DYSF: variants seen among roughly 807,000 people sequenced by gnomAD.
DYSF encodes the protein dystrophy-associated fer-1-like 1.
In DYSF, 212 loss-of-function variants were observed where a neutral mutation model predicts 274.9. The ratio of observed to expected loss-of-function variants is 0.77; its 90% confidence interval spans 0.69 to 0.86. The LOEUF is 0.86. Ranked by LOEUF, DYSF falls within the 40% of genes least tolerant of loss-of-function variation. The probability of loss-of-function intolerance (pLI) is 0.00; values close to 1 mark genes in which losing one functional copy is unlikely to be tolerated. For missense variants in DYSF, 2,666 were observed against 2,783.2 expected (o/e 0.96, Z 0.95); for synonymous variants, 1,091 against 1,078.7 (o/e 1.01, Z -0.22).
Position 71,664,455 on chromosome 2 carries a change from T to C in DYSF, c.5174+17T>C. 1 of 1,613,698 alleles carries C rather than the reference T, an allele frequency of 6.2e-7. No individual in the cohort carries two copies. Among genetic ancestry groups the C allele is most frequent in the East Asian group, 2.2e-5 (1 of 44,868 alleles). On this transcript the variant is annotated intron_variant, in intron 46 of 55. Transcript: ENST00000410020. ...CTACTGTGTGTACGTGGATGGGGGCTGGCTGCCTGCTTCTCTGACAACACA... is the reference window on the plus strand; with the variant it reads ...CTACTGTGTGTACGTGGATGGGGGCCGGCTGCCTGCTTCTCTGACAACACA...
chr2:71,528,149 T>TG, intron 13 of DYSF, 149 bp from the exon 14 acceptor site: 1 of 718,858 alleles, frequency 1.4e-6, no homozygotes, highest in Non-Finnish European at 2.5e-6. Context: ...GTCCTCCTTC[T>TG]GGGGAGCCCC....
chr2:71,651,307 TAGAG>T (rs1468271884), intron 42 of DYSF, among the ~76,000 whole-genome samples: 1 of 152,098 alleles, frequency 6.6e-6, no homozygotes, highest in African/African-American at 2.4e-5. Flanking sequence ...TAGTCTACTT[TAGAG>T]AAGTAGAGAA....
rs560483736 is a variant in DYSF, at chr2:71,470,474, A to C, written c.91+3541A>C. The stretch of plus-strand genomic sequence containing the variant: ...GATCATGAGGTCAGGAGATCGAGAC[A>C]ATCCTGGCTAACATGGTGAAACCCT... On this transcript the variant is annotated intron_variant, in intron 1 of 55. Transcript: ENST00000410020. Among the ~76,000 whole-genome samples, 45 of 152,006 alleles carry C rather than the reference A, an allele frequency of 3.0e-4. No homozygotes were observed. In the East Asian group the frequency reaches 5.7e-3, roughly 19 times the overall value.
intron 52 of DYSF, among the ~76,000 whole-genome samples, chr2:71,675,068 T>C (rs1016541866): frequency 1.3e-5 from 2 of 152,084 alleles, no homozygotes; most frequent in Non-Finnish European, 2.9e-5. Context: ...TCAAATATTA[T>C]ATGGCTTCAT....
chr2:71,592,788 G>A (rs1308495308), intron 32 of DYSF, among the ~76,000 whole-genome samples: 1 of 152,190 alleles, frequency 6.6e-6, no homozygotes, highest in African/African-American at 2.4e-5. Context: ...TGTGCTCTTT[G>A]CTTCTCTCTA....
At chr2:71,568,487 C>A in intron 26 of DYSF, 149 bp downstream of exon 26, 1 of 1,075,934 alleles carries the variant, frequency 9.3e-7, no homozygotes, top group South Asian at 1.5e-5. Context: ...TCTCCCAGGA[C>A]TGAGGCTTGC....
rs2092226553 is a variant in DYSF at position 71,568,247 on chromosome 2, G to A, written c.2773G>A (p.Val925Ile). The change falls in exon 26 of 56, where the codon GTC becomes ATC. Residue 925 changes from valine (V) to isoleucine (I), a missense_variant. By Grantham distance (29) the Val-to-Ile change is conservative (BLOSUM62 3). This residue lies in a region of DYSF where 412 missense variants were observed against 504.0 expected (regional missense o/e 0.82). Coordinates refer to ENST00000410020, the MANE Select transcript of DYSF (RefSeq NM_001130987.2). ...CCTCACCTACCCCAAGTTTTCTGAC[G>A]TCACGGGCAAGATCAAGCTACCCAA... The part of the protein sequence containing the change: ...TGLTYPKFSD[V>I]TGKIKLPKDS... 5.0e-6 allele frequency: 8 copies of A among 1,614,210 alleles called. No homozygotes were observed. The highest frequency in any genetic ancestry group is 4.4e-5 in the South Asian group (4 of 91,082).
At chr2:71,663,085 C>G (rs946009298) in intron 45 of DYSF, among the ~76,000 whole-genome samples, 1 of 44,086 alleles carries the variant, frequency 2.3e-5, no homozygotes, top group African/African-American at 5.5e-5. Context: ...CTGCCTTCCT[C>G]CCTTCCTGGT....
intron 1 of DYSF, among the ~76,000 whole-genome samples, chr2:71,470,949 G>A (rs2081993593): frequency 6.6e-6 from 1 of 151,594 alleles, no homozygotes; most frequent in Non-Finnish European, 1.5e-5. Flanking sequence ...CTGCAACCAT[G>A]CCTGGCTAAT....
intron 16 of DYSF, among the ~76,000 whole-genome samples, chr2:71,536,569 G>A (rs1411877772): frequency 6.6e-6 from 1 of 152,246 alleles, no homozygotes; most frequent in Non-Finnish European, 1.5e-5. Flanking sequence ...TGCGCATGTG[G>A]ATGTGAGTGG....
chr2:71,668,895 A>G lies in DYSF; in HGVS notation c.5546+53A>G. On this transcript the variant is annotated intron_variant, in intron 49 of 55. Coordinates refer to ENST00000410020, the MANE Select transcript of DYSF (RefSeq NM_001130987.2). The stretch of plus-strand genomic sequence containing the variant: ...CTGGGCTGAGGGGTGGGGGCGTTGC[A>G]GCCTGCTGTGGGCGGGACTAGGCGG... 3.2e-6 allele frequency: 5 copies of G among 1,573,068 alleles called. No individual in the cohort carries two copies. In the South Asian group the frequency reaches 4.5e-5, roughly 14 times the overall value.
At chr2:71,485,123 C>T (rs1300422118) in intron 3 of DYSF, among the ~76,000 whole-genome samples, 3 of 152,238 alleles carry the variant, frequency 2.0e-5, no homozygotes, top group African/African-American at 7.2e-5. Flanking sequence ...TTTTTCCAAA[C>T]ATTTATCTCA....
chr2:71,676,943 G>GTGTA (rs1379434966), intron 52 of DYSF, among the ~76,000 whole-genome samples: 1 of 151,944 alleles, frequency 6.6e-6, no homozygotes, highest in Non-Finnish European at 1.5e-5. Context: ...GTGTGTGTGT[G>GTGTA]TGTGTGTGGT....
At chr2:71,595,500 T>C (rs571256852) in intron 32 of DYSF, among the ~76,000 whole-genome samples, 1 of 151,946 alleles carries the variant, frequency 6.6e-6, no homozygotes, top group South Asian at 2.1e-4. Flanking sequence ...GTGGTCTGAG[T>C]GGTTGGTGGG....
At chr2:71,478,225 T>TA (rs2082553012) in intron 1 of DYSF, among the ~76,000 whole-genome samples, 2 of 151,300 alleles carry the variant, frequency 1.3e-5, no homozygotes, top group Non-Finnish European at 3.0e-5. Context: ...TTTTTTTTTT[T>TA]TTTTGAGGCA....
At chr2:71,467,800 A>G (rs1229777236) in intron 1 of DYSF, among the ~76,000 whole-genome samples, 2 of 152,198 alleles carry the variant, frequency 1.3e-5, no homozygotes, top group African/African-American at 4.8e-5. Flanking sequence ...GCTTTGTGGA[A>G]TCGATAATAA....
Position 71,658,867 on chromosome 2 carries a change from C to T in DYSF, c.4756-11C>T. ...TGATAAAAATGAAAATTAACCCTTC[C>T]TTCTTTTCAGGGCCTCTTCAAAATT... On this transcript the variant is annotated splice_polypyrimidine_tract_variant and intron_variant, in intron 43 of 55. Transcript: ENST00000410020. 3 of 1,614,182 alleles carry T rather than the reference C, an allele frequency of 1.9e-6. No individual in the cohort carries two copies. Among genetic ancestry groups the T allele is most frequent in the Non-Finnish European group, 2.5e-6 (3 of 1,180,018 alleles).
At chr2:71,639,880 C>T in intron 41 of DYSF, among the ~76,000 whole-genome samples, 1 of 152,120 alleles carries the variant, frequency 6.6e-6, no homozygotes, top group Non-Finnish European at 1.5e-5. Flanking sequence ...AAGAAGCTAA[C>T]CAGGTCTATG....
intron 23 of DYSF, among the ~76,000 whole-genome samples, chr2:71,563,475 A>G (rs2091903355): frequency 6.6e-6 from 1 of 152,132 alleles, no homozygotes; most frequent in African/African-American, 2.4e-5. Flanking sequence ...AGCAGTTGTC[A>G]ATCATGCTGG....
Sources: gnomAD v4.1 joint callset for allele counts (sites outside exome capture counted in the v4.1 genomes callset) on GRCh38, gnomAD v4.1.1 for gene constraint, gnomAD v4.1.1 regional missense constraint, MANE v1.5 for transcripts, NCBI Gene and HGNC (gene_info 2026-07-23, HGNC 2026-07-21) for gene names.